The following ATP2C1 variants were observed in gnomAD, a reference collection of about 807,000 sequenced individuals.
ATP2C1 encodes calcium-transporting ATPase type 2C member 1.
A neutral mutation model predicts 120.5 loss-of-function variants in ATP2C1; 31 were observed. The observed-to-expected ratio is 0.26, with a 90% confidence interval of 0.19 to 0.35. The LOEUF (loss-of-function observed/expected upper bound fraction) is 0.35, where lower values mean the gene tolerates loss of function less well. Ranked by LOEUF, ATP2C1 falls within the 10% of genes least tolerant of loss-of-function variation. ATP2C1 has a pLI of 1.00. For synonymous variants in ATP2C1, 351 were observed against 358.7 expected (o/e 0.98, Z 0.24); for missense variants, 731 against 1,107.5 (o/e 0.66, Z 4.83).
At chr3:130,958,594 C>G (rs1013845501) in intron 11 of ATP2C1, among the ~76,000 whole-genome samples, 1 of 152,230 alleles carries the variant, frequency 6.6e-6, no homozygotes, top group East Asian at 1.9e-4. Context: ...TATCAAACCT[C>G]TCGTGAATCT....
chr3:130,918,097 C>T (rs2058766465), intron 2 of ATP2C1: 3 of 617,294 alleles, frequency 4.9e-6, no homozygotes, highest in African/African-American at 3.7e-5. Flanking sequence ...CCAGCCTATC[C>T]GAGTACAGGG....
chr3:130,904,665 A>T, intron 2 of ATP2C1, among the ~76,000 whole-genome samples: 1 of 151,976 alleles, frequency 6.6e-6, no homozygotes, highest in East Asian at 1.9e-4. Flanking sequence ...CATCATACTT[A>T]TCATGGGCCA....
At chr3:130,972,605 T>C (rs988076593) in intron 17 of ATP2C1, among the ~76,000 whole-genome samples, 2 of 144,068 alleles carry the variant, frequency 1.4e-5, no homozygotes, top group Admixed American at 1.4e-4. Flanking sequence ...GTATATCTCC[T>C]AATGCTATCC....
At chr3:131,000,995 T>TACA (rs2062856767) in intron 27 of ATP2C1, among the ~76,000 whole-genome samples, 1 of 148,300 alleles carries the variant, frequency 6.7e-6, no homozygotes, top group African/African-American at 2.5e-5. Flanking sequence ...CCCAGCCACT[T>TACA]GGGAGGCTGA....
chr3:131,007,139 A>T (rs1260208442), downstream of ATP2C1, among the ~76,000 whole-genome samples: 1 of 152,212 alleles, frequency 6.6e-6, no homozygotes, highest in African/African-American at 2.4e-5. Context: ...TTGGGGAGAA[A>T]AGTGAAAACA....
intron 1 of ATP2C1, among the ~76,000 whole-genome samples, chr3:130,885,760 C>T (rs1007257808): frequency 2.0e-5 from 3 of 152,162 alleles, no homozygotes; most frequent in African/African-American, 7.2e-5. Flanking sequence ...GAGTACTCTA[C>T]ATGCCACAAT....
intron 8 of ATP2C1, among the ~76,000 whole-genome samples, chr3:130,947,833 A>G (rs1400974401): frequency 6.6e-6 from 1 of 150,864 alleles, no homozygotes; most frequent in East Asian, 1.9e-4. Context: ...CCCTCAAATT[A>G]TTTTCTGTGC....
Position 130,894,225 on chromosome 3 carries a change from C to G in ATP2C1, c.-293C>G. 1.0e-6 allele frequency: 1 copy of G among 985,350 alleles called. No individual in the cohort carries two copies. Among genetic ancestry groups the G allele is most frequent in the Non-Finnish European group, 1.2e-6 (1 of 829,940 alleles). The allele number at this position is 985,350 out of a possible 1,614,324, so 61.0% of individuals were successfully genotyped here. ...TTCTCACGCCGGGAGCAGGCTCCCG[C>G]CTCGCACCGCTGCCCCGCGAGCAGC... On this transcript the variant is annotated 5_prime_UTR_variant, in exon 1 of 28. Transcript: ENST00000510168. The surrounding 1 kb of genome is among the most constrained non-coding windows in gnomAD (Gnocchi z 4.5).
At chr3:130,976,743 T>C (rs544856812) in intron 18 of ATP2C1, among the ~76,000 whole-genome samples, 1 of 152,160 alleles carries the variant, frequency 6.6e-6, no homozygotes, top group African/African-American at 2.4e-5. Flanking sequence ...CAAGGCAGAT[T>C]CTTTCTCCCA....
At chr3:130,904,421 C>T (rs999865997) in intron 2 of ATP2C1, among the ~76,000 whole-genome samples, 2 of 151,598 alleles carry the variant, frequency 1.3e-5, no homozygotes, top group Admixed American at 1.3e-4. Context: ...TAGAATGTTT[C>T]TCAATATGGG....
chr3:130,931,104 A>G (rs2059428927), intron 3 of ATP2C1, among the ~76,000 whole-genome samples: 2 of 152,126 alleles, frequency 1.3e-5, no homozygotes, highest in Non-Finnish European at 2.9e-5. Context: ...TCTTAGTGAT[A>G]GCATTAAAAA....
intron 10 of ATP2C1, 129 bp downstream of exon 10, chr3:130,955,209 C>T (rs2060528535): frequency 1.4e-6 from 1 of 720,424 alleles, no homozygotes; most frequent in African/African-American, 1.8e-5. Context: ...TCAGTTGTCT[C>T]TGTTTAGAAA....
chr3:130,878,799 C>A (rs1450885593), intron 1 of ATP2C1, among the ~76,000 whole-genome samples: 1 of 152,138 alleles, frequency 6.6e-6, no homozygotes, highest in Non-Finnish European at 1.5e-5. Context: ...TTATCTCTTG[C>A]TGTTTTCAGA....
At position 130,959,208 on chromosome 3, in the gene ATP2C1, A is replaced by G. The variant is rs967145830; in HGVS notation, c.833-67A>G. 27 of 1,200,636 alleles carry G rather than the reference A, an allele frequency of 2.2e-5. No homozygotes were observed. In the African/African-American group the frequency reaches 3.6e-4, roughly 16 times the overall value. 74.4% of individuals were successfully genotyped at this position (1,200,636 alleles called of 1,614,324 possible). ...GTCAAGGGACGTTTTAGATTCCTTCAGCTTGTTCTGTTCCTTCTAGGTGAT... is the reference window on the plus strand; with the variant it reads ...GTCAAGGGACGTTTTAGATTCCTTCGGCTTGTTCTGTTCCTTCTAGGTGAT... On this transcript the variant is annotated intron_variant, in intron 11 of 27. Transcript: ENST00000510168.
At position 130,933,528 on chromosome 3, in the gene ATP2C1, A is replaced by T. The variant is rs370473239; in HGVS notation, c.235-1094A>T. ...TTAAAAAGATTAAGGTGACACACAG[A>T]TGCCAGCAACTGGATTCAAACCTAG... On this transcript the variant is annotated intron_variant, in intron 4 of 27. Coordinates refer to ENST00000510168, the MANE Select transcript of ATP2C1 (RefSeq NM_001378687.1). Among the ~76,000 whole-genome samples, 29 of 152,358 alleles carry T rather than the reference A, an allele frequency of 1.9e-4. No individual in the cohort carries two copies. In the South Asian group the frequency reaches 5.6e-3, roughly 29 times the overall value.
intron 2 of ATP2C1, among the ~76,000 whole-genome samples, chr3:130,902,035 A>G (rs2057856786): frequency 1.3e-5 from 2 of 152,040 alleles, no homozygotes; most frequent in Admixed American, 6.6e-5. Context: ...CCCAGATGTC[A>G]ATGGTGCCAA....
At chr3:130,934,407 A>ATT (rs148794392) in intron 4 of ATP2C1, among the ~76,000 whole-genome samples, 1 of 150,814 alleles carries the variant, frequency 6.6e-6, no homozygotes, top group East Asian at 1.9e-4. Flanking sequence ...TTGCTATTTA[A>ATT]TTTTTTTTTT....
At chr3:130,893,976 C>A (rs2107893614), upstream of ATP2C1, 1 of 985,628 alleles carries the variant, frequency 1.0e-6, no homozygotes, top group Non-Finnish European at 1.2e-6. Flanking sequence ...CCTCTCTCAG[C>A]GGAAGTAATA....
At chr3:130,969,486 A>G (rs1393806240) in intron 17 of ATP2C1, 90 bp downstream of exon 17, 27 of 954,784 alleles carry the variant, frequency 2.8e-5, no homozygotes, top group Admixed American at 2.3e-4. Context: ...TAGTCATTGT[A>G]CATAATAAAG....
Sources: gnomAD v4.1 joint callset for allele counts (sites outside exome capture counted in the v4.1 genomes callset) on GRCh38, gnomAD v4.1.1 for gene constraint, Gnocchi (gnomAD v3.1) non-coding constraint, MANE v1.5 for transcripts, NCBI Gene and HGNC (gene_info 2026-07-23, HGNC 2026-07-21) for gene names.